The following TMOD3 variants were observed in gnomAD, a reference collection of about 807,000 sequenced individuals.
TMOD3 encodes the protein tropomodulin-3.
In TMOD3, 20 loss-of-function variants were observed where a neutral mutation model predicts 39.2. That is an observed-to-expected ratio of 0.51 (90% CI 0.36 to 0.74). The LOEUF is 0.74. TMOD3 is among the 30% of genes least tolerant of loss of function. The pLI is 0.00. For missense variants in TMOD3, 381 were observed against 412.8 expected (o/e 0.92, Z 0.67); for synonymous variants, 143 against 145.8 (o/e 0.98, Z 0.14).
At chr15:51,876,912 A>T (rs111580779) in intron 3 of TMOD3, among the ~76,000 whole-genome samples, 1 of 152,108 alleles carries the variant, frequency 6.6e-6, no homozygotes, top group Admixed American at 6.5e-5. Context: ...AATGAAAAAA[A>T]GTTAGCTGGA....
At chr15:51,833,561 T>C (rs1328153266) in intron 1 of TMOD3, 1 of 152,270 alleles carries the variant, frequency 6.6e-6, no homozygotes, top group African/African-American at 2.4e-5. Flanking sequence ...TCCATAGATT[T>C]CTGACACTAC....
At chr15:51,878,222 G>T (rs2056514896) in intron 3 of TMOD3, among the ~76,000 whole-genome samples, 1 of 152,190 alleles carries the variant, frequency 6.6e-6, no homozygotes, top group African/African-American at 2.4e-5. Context: ...GTTGCCTGAT[G>T]GCCAGTGTCT....
At position 51,911,202 on chromosome 15, in the gene TMOD3, T is replaced by C. The variant is rs975963799; in HGVS notation, c.*2392T>C. ...TTCCCCCTTCATCCCTTAAGTTTTG[T>C]TTTTGTTTTTGTTTTTAATATAGGT... On this transcript the variant is annotated 3_prime_UTR_variant, in exon 10 of 10. Coordinates refer to ENST00000308580, the MANE Select transcript of TMOD3 (RefSeq NM_014547.5). 1 of 152,164 alleles carries C rather than the reference T, an allele frequency of 6.6e-6. No homozygotes were observed. The highest frequency in any genetic ancestry group is 6.5e-5 in the Admixed American group (1 of 15,270). The allele number at this position is 152,164 out of a possible 1,614,324, so 9.4% of individuals were successfully genotyped here. A position where few individuals can be genotyped will look rare whatever the true frequency, so the allele number is the denominator to read the frequency against.
At chr15:51,859,904 C>T (rs2056408204) in intron 1 of TMOD3, 1 of 540,308 alleles carries the variant, frequency 1.9e-6, no homozygotes, top group South Asian at 1.4e-5. Flanking sequence ...ATGTGCCCTT[C>T]TGAATGCAGT....
intron 7 of TMOD3, chr15:51,898,876 G>A (rs2056634687): frequency 6.7e-6 from 1 of 149,600 alleles, no homozygotes; most frequent in South Asian, 2.1e-4. Context: ...TTCCTTCCCA[G>A]TCTCCCTCCT....
At chr15:51,907,701 G>A (rs1305533645) in intron 9 of TMOD3, among the ~76,000 whole-genome samples, 1 of 152,106 alleles carries the variant, frequency 6.6e-6, no homozygotes, top group Non-Finnish European at 1.5e-5. Context: ...TCTAGGAGCC[G>A]GCCACAATGC....
intron 6 of TMOD3, among the ~76,000 whole-genome samples, chr15:51,895,649 A>G (rs2056616888): frequency 6.6e-6 from 1 of 151,978 alleles, no homozygotes; most frequent in Admixed American, 6.6e-5. Flanking sequence ...CATCTTCAGT[A>G]TTTTCTCTCC....
intron 9 of TMOD3, among the ~76,000 whole-genome samples, chr15:51,902,642 G>GTTTTTTTTT (rs1286780618): frequency 1.7e-4 from 11 of 63,352 alleles, no homozygotes; most frequent in East Asian, 1.3e-3. Flanking sequence ...GCTAATTTTT[G>GTTTTTTTTT]TATTTTTTTT....
rs1415064551 is a variant in TMOD3 at position 51,829,667 on chromosome 15, C to T, written c.-244C>T. The T allele has an allele frequency of 1.3e-5, 2 of 152,354 alleles. No individual in the cohort carries two copies. The highest frequency in any genetic ancestry group is 2.4e-5 in the African/African-American group (1 of 41,468). The allele number at this position is 152,354 out of a possible 1,614,324, so 9.4% of individuals were successfully genotyped here. A position where few individuals can be genotyped will look rare whatever the true frequency, so the allele number is the denominator to read the frequency against. Reference sequence around the variant, plus strand: ...GCGTCGGAGGCGAAGGAGGAACCCACCGCACCTACAGGGCGGTCGAGTGAG... The same window carrying T: ...GCGTCGGAGGCGAAGGAGGAACCCATCGCACCTACAGGGCGGTCGAGTGAG... On this transcript the variant is annotated 5_prime_UTR_variant, in exon 1 of 10. Coordinates refer to ENST00000308580, the MANE Select transcript of TMOD3 (RefSeq NM_014547.5).
chr15:51,887,085 G>A (rs1480426153), intron 3 of TMOD3, among the ~76,000 whole-genome samples: 1 of 151,816 alleles, frequency 6.6e-6, no homozygotes, highest in Non-Finnish European at 1.5e-5. Flanking sequence ...TGGGTGTGGT[G>A]GTGCACGCCT....
In TMOD3 at chr15:51,913,568, G is replaced by A. The variant is rs1280163970; in HGVS notation, c.*4758G>A. On this transcript the variant is annotated 3_prime_UTR_variant, in exon 10 of 10. Transcript: ENST00000308580. Reference sequence around the variant, plus strand: ...AAGTTCTTCCCTATAAAAAATGAATGAATTAGAAATTTGATAATAAAACAT... The same window carrying A: ...AAGTTCTTCCCTATAAAAAATGAATAAATTAGAAATTTGATAATAAAACAT... 1 of 152,122 alleles carries A rather than the reference G, an allele frequency of 6.6e-6. No homozygotes were observed. The highest frequency in any genetic ancestry group is 1.9e-4 in the East Asian group (1 of 5,200). The allele number at this position is 152,122 out of a possible 1,614,324, so 9.4% of individuals were successfully genotyped here.
At chr15:51,881,873 G>A (rs2916175) in intron 3 of TMOD3, among the ~76,000 whole-genome samples, 54,261 of 151,428 alleles carry the variant, frequency 0.36, 10,205 homozygotes, top group Middle Eastern at 0.43. Context: ...AGTTTAGCCC[G>A]TACATTTAGG....
chr15:51,829,869 G>C (rs1413916180), intron 1 of TMOD3, 33 bp downstream of exon 1: 1 of 152,296 alleles, frequency 6.6e-6, no homozygotes, highest in Non-Finnish European at 1.5e-5. Flanking sequence ...CAGGAAGTCC[G>C]TCTGCGGGCG....
At chr15:51,861,194 G>T in intron 1 of TMOD3, 1 of 474,874 alleles carries the variant, frequency 2.1e-6, no homozygotes, top group South Asian at 1.7e-5. Context: ...CCTTCTTAAT[G>T]ATAGCGTTAA....
At chr15:51,849,804 C>T (rs939867291) in intron 1 of TMOD3, among the ~76,000 whole-genome samples, 3 of 152,036 alleles carry the variant, frequency 2.0e-5, no homozygotes, top group African/African-American at 7.2e-5. Context: ...CATGGTGGCT[C>T]ACACCTGTAA....
chr15:51,838,079 C>A (rs931941190), intron 1 of TMOD3, among the ~76,000 whole-genome samples: 5 of 152,224 alleles, frequency 3.3e-5, no homozygotes, highest in Admixed American at 2.0e-4. Flanking sequence ...GGCGTACTTA[C>A]TTCTGTGTAA....
At chr15:51,868,710 A>G (rs1431116276) in intron 2 of TMOD3, among the ~76,000 whole-genome samples, 2 of 152,168 alleles carry the variant, frequency 1.3e-5, no homozygotes, top group African/African-American at 4.8e-5. Context: ...GGTGGCTCAC[A>G]CCTGTAATCC....
At chr15:51,832,419 C>T (rs1406723048) in intron 1 of TMOD3, among the ~76,000 whole-genome samples, 1 of 151,664 alleles carries the variant, frequency 6.6e-6, no homozygotes, top group African/African-American at 2.4e-5. Flanking sequence ...ATTCACTGGT[C>T]ATCTCTTTCC....
chr15:51,880,102 AT>A (rs2141695660), intron 3 of TMOD3, among the ~76,000 whole-genome samples: 1 of 152,318 alleles, frequency 6.6e-6, no homozygotes, highest in Admixed American at 6.5e-5. Flanking sequence ...AAGGTATTTT[AT>A]GTCATATGAA....
Sources: allele counts gnomAD v4.1 joint callset (sites outside exome capture counted in the v4.1 genomes callset), GRCh38; gene constraint gnomAD v4.1.1; transcripts MANE v1.5; gene names NCBI Gene and HGNC (gene_info 2026-07-23, HGNC 2026-07-21).